FTO: variants seen among roughly 807,000 people sequenced by gnomAD.
FTO encodes FTO alpha-ketoglutarate dependent dioxygenase.
FTO carries 47 observed loss-of-function variants against 63.9 expected under a neutral mutation model. That is an observed-to-expected ratio of 0.74 (90% CI 0.58 to 0.94). FTO has a LOEUF of 0.94. Ranked by LOEUF, FTO falls within the 40% of genes least tolerant of loss-of-function variation. The pLI is 0.00. For missense variants in FTO, 562 were observed against 618.1 expected (o/e 0.91, Z 0.96); for synonymous variants, 207 against 224.4 (o/e 0.92, Z 0.69).
At chr16:53,741,271 G>A (rs1202987882) in intron 1 of FTO, among the ~76,000 whole-genome samples, 1 of 152,156 alleles carries the variant, frequency 6.6e-6, no homozygotes. Context: ...CTGACCCTTG[G>A]TCTATACCCT....
At chr16:53,872,694 T>G (rs1027765165) in intron 4 of FTO, among the ~76,000 whole-genome samples, 3 of 152,212 alleles carry the variant, frequency 2.0e-5, no homozygotes, top group Admixed American at 6.5e-5. Flanking sequence ...TATCTTGCAT[T>G]TCTTTTCTAT....
At chr16:54,106,435 AG>A (rs1226585226) in intron 8 of FTO, among the ~76,000 whole-genome samples, 1 of 148,874 alleles carries the variant, frequency 6.7e-6, no homozygotes, top group East Asian at 2.0e-4. Context: ...AAGGAGAGAG[AG>A]AAAAAGTATA....
intron 7 of FTO, among the ~76,000 whole-genome samples, chr16:53,932,445 A>G (rs1468343882): frequency 1.3e-5 from 2 of 150,624 alleles, no homozygotes; most frequent in African/African-American, 2.5e-5. Context: ...GCTAGAGTAC[A>G]GTGGTGTGAT....
intron 8 of FTO, among the ~76,000 whole-genome samples, chr16:54,066,145 G>A (rs1008838352): frequency 6.6e-6 from 1 of 152,210 alleles, no homozygotes; most frequent in Non-Finnish European, 1.5e-5. Flanking sequence ...ACTAGTGAGT[G>A]TTGGGACCGG....
intron 3 of FTO, among the ~76,000 whole-genome samples, chr16:53,835,240 G>C (rs2079256670): frequency 6.6e-6 from 1 of 152,108 alleles, no homozygotes; most frequent in Admixed American, 6.5e-5. Flanking sequence ...GATGCATGGG[G>C]ATCCCTTTCT....
At chr16:53,839,416 A>G (rs931135680) in intron 3 of FTO, among the ~76,000 whole-genome samples, 4 of 152,202 alleles carry the variant, frequency 2.6e-5, no homozygotes, top group African/African-American at 4.8e-5. Flanking sequence ...TAAGAACACT[A>G]TATTTAACAA....
chr16:53,762,470 G>T (rs180965324), intron 1 of FTO, among the ~76,000 whole-genome samples: 1 of 152,102 alleles, frequency 6.6e-6, no homozygotes, highest in Non-Finnish European at 1.5e-5. Context: ...ATGAAAAAAC[G>T]TTATCCTCCA....
intron 8 of FTO, among the ~76,000 whole-genome samples, chr16:53,973,281 A>G (rs2083371251): frequency 6.6e-6 from 1 of 152,202 alleles, no homozygotes; most frequent in Non-Finnish European, 1.5e-5. Context: ...CTTGTCGGAC[A>G]TGGAGCCGTC....
intron 3 of FTO, among the ~76,000 whole-genome samples, chr16:53,842,856 G>A (rs938136831): frequency 2.0e-5 from 3 of 151,972 alleles, no homozygotes; most frequent in Non-Finnish European, 4.4e-5. Flanking sequence ...TTTACTTTTT[G>A]TAGAGGTAGG....
At chr16:53,802,431 A>G (rs1397525225) in intron 1 of FTO, among the ~76,000 whole-genome samples, 2 of 152,128 alleles carry the variant, frequency 1.3e-5, no homozygotes, top group Non-Finnish European at 2.9e-5. Flanking sequence ...TGGGAAACCC[A>G]TATATATGGA....
intron 1 of FTO, among the ~76,000 whole-genome samples, chr16:53,789,891 A>G (rs370417305): frequency 6.1e-5 from 1 of 16,488 alleles, no homozygotes; most frequent in Non-Finnish European, 1.0e-4. Context: ...ATATATACAT[A>G]TACGTATATA....
intron 8 of FTO, among the ~76,000 whole-genome samples, chr16:53,952,182 T>G (rs1274566061): frequency 6.6e-6 from 1 of 152,182 alleles, no homozygotes. Context: ...CCAGAGAGGT[T>G]AGGGAATTTA....
At position 53,752,101 on chromosome 16, in the gene FTO, T is replaced by A. The variant is rs535068730; in HGVS notation, c.45+47872T>A. On this transcript the variant is annotated intron_variant, in intron 1 of 8. Transcript: ENST00000471389. ...ATTTGTAGTGGCAGAACACGAGCAA[T>A]CTAAGTATCCATCAGTAGGGAACAG... Among the ~76,000 whole-genome samples, 20 of 152,312 alleles carry A rather than the reference T, an allele frequency of 1.3e-4. No homozygotes were observed. In the South Asian group the frequency reaches 4.1e-3, roughly 32 times the overall value.
intron 5 of FTO, among the ~76,000 whole-genome samples, chr16:53,879,323 G>A (rs1439236026): frequency 9.9e-5 from 15 of 152,204 alleles, no homozygotes; most frequent in African/African-American, 1.7e-4. Context: ...AGTGGCCCAA[G>A]TGAGGCCAAA....
chr16:53,845,509 T>A (rs1252864309), intron 4 of FTO, among the ~76,000 whole-genome samples: 3 of 152,238 alleles, frequency 2.0e-5, no homozygotes, highest in Non-Finnish European at 2.9e-5. Context: ...TTCAAGGTTT[T>A]GGTCACAATC....
At chr16:54,006,420 G>C (rs548939096) in intron 8 of FTO, among the ~76,000 whole-genome samples, 141 of 152,206 alleles carry the variant, frequency 9.3e-4, no homozygotes, top group African/African-American at 3.3e-3. Flanking sequence ...TCATATTTTT[G>C]TTGATTATTT....
At chr16:53,804,033 C>T (rs1057005528) in intron 1 of FTO, among the ~76,000 whole-genome samples, 2 of 152,104 alleles carry the variant, frequency 1.3e-5, no homozygotes, top group Non-Finnish European at 2.9e-5. Flanking sequence ...ATAACAACAA[C>T]GAATGGTTGC....
chr16:53,890,353 A>G (rs2081114578), intron 7 of FTO, among the ~76,000 whole-genome samples: 1 of 152,212 alleles, frequency 6.6e-6, no homozygotes. Context: ...AAACCATCAC[A>G]GCAGTCTATG....
At chr16:54,108,513 C>A (rs894116983) in intron 8 of FTO, among the ~76,000 whole-genome samples, 1 of 152,110 alleles carries the variant, frequency 6.6e-6, no homozygotes, top group Non-Finnish European at 1.5e-5. Context: ...AGAGCTTCCC[C>A]TAGAAGGAGT....
Sources: gnomAD v4.1 joint callset for allele counts (sites outside exome capture counted in the v4.1 genomes callset) on GRCh38, gnomAD v4.1.1 for gene constraint, MANE v1.5 for transcripts, NCBI Gene and HGNC (gene_info 2026-07-23, HGNC 2026-07-21) for gene names.